Variants in MACROD2 observed in about 807,000 individuals in gnomAD.
MACROD2 encodes ADP-ribose glycohydrolase MACROD2.
A neutral mutation model predicts 70.4 loss-of-function variants in MACROD2; 36 were observed. That is an observed-to-expected ratio of 0.51 (90% confidence interval 0.39 to 0.68). The LOEUF (loss-of-function observed/expected upper bound fraction) is 0.68. Among genes scored for constraint, MACROD2 ranks in the 30% least tolerant of loss-of-function variants. The probability of loss-of-function intolerance (pLI) is 0.00; values close to 1 mark genes in which losing one functional copy is unlikely to be tolerated. For synonymous variants in MACROD2, 172 were observed against 178.8 expected (o/e 0.96, Z 0.30); for missense variants, 496 against 538.4 (o/e 0.92, Z 0.78).
At chr20:15,267,999 T>G (rs1171956961) in intron 6 of MACROD2, among the ~76,000 whole-genome samples, 2 of 152,234 alleles carry the variant, frequency 1.3e-5, no homozygotes, top group East Asian at 3.8e-4. Context: ...CCTGGTCATG[T>G]GACAAGAACC....
chr20:14,758,079 T>A, intron 5 of MACROD2: 1 of 531,328 alleles, frequency 1.9e-6, no homozygotes, highest in Non-Finnish European at 3.4e-6. Flanking sequence ...TTATTTTGCA[T>A]TGTATAAACA....
chr20:16,035,190 T>G (rs1223998796), intron 15 of MACROD2, among the ~76,000 whole-genome samples: 2 of 128,120 alleles, frequency 1.6e-5, no homozygotes, highest in African/African-American at 3.3e-5. Flanking sequence ...ATATTATATA[T>G]AAAATATAAT....
chr20:15,357,395 A>G (rs2078299931), intron 6 of MACROD2, among the ~76,000 whole-genome samples: 2 of 152,314 alleles, frequency 1.3e-5, no homozygotes, highest in African/African-American at 2.4e-5. Context: ...TTTAATAGAA[A>G]TTTCATTTAA....
intron 15 of MACROD2, among the ~76,000 whole-genome samples, chr20:15,990,337 C>T (rs1355395530): frequency 1.3e-5 from 2 of 152,174 alleles, no homozygotes; most frequent in Non-Finnish European, 2.9e-5. Context: ...AGCATTAAAA[C>T]ATCTTTCTTA....
chr20:14,418,739 A>G (rs2083838886), intron 3 of MACROD2, among the ~76,000 whole-genome samples: 3 of 152,222 alleles, frequency 2.0e-5, no homozygotes, highest in Admixed American at 6.5e-5. Context: ...TCACTGAGAG[A>G]ACAACTGAAA....
chr20:14,037,046 G>C (rs2053321138), intron 2 of MACROD2, among the ~76,000 whole-genome samples: 2 of 152,170 alleles, frequency 1.3e-5, no homozygotes, highest in Non-Finnish European at 2.9e-5. Context: ...CTTAGGTGGA[G>C]CTTGAAATAA....
intron 4 of MACROD2, among the ~76,000 whole-genome samples, chr20:14,508,723 C>A (rs2123141739): frequency 6.6e-6 from 1 of 152,148 alleles, no homozygotes; most frequent in South Asian, 2.1e-4. Context: ...TTCACTAAGG[C>A]CTTAATTTTT....
At chr20:14,396,635 T>C (rs976403960) in intron 3 of MACROD2, among the ~76,000 whole-genome samples, 2 of 152,102 alleles carry the variant, frequency 1.3e-5, no homozygotes, top group African/African-American at 4.8e-5. Context: ...ATTTTTAAAA[T>C]CCAATCTGGG....
intron 3 of MACROD2, among the ~76,000 whole-genome samples, chr20:14,225,213 A>T (rs1281997132): frequency 6.6e-6 from 1 of 152,236 alleles, no homozygotes; most frequent in Non-Finnish European, 1.5e-5. Flanking sequence ...ATATCAAATG[A>T]CTTCATTGGT....
At chr20:16,045,887 T>C (rs1445631024) in intron 17 of MACROD2, among the ~76,000 whole-genome samples, 1 of 152,136 alleles carries the variant, frequency 6.6e-6, no homozygotes, top group Non-Finnish European at 1.5e-5. Context: ...CTGAGTGGTC[T>C]ATAATCCTCT....
At chr20:15,020,470 T>A (rs972953176) in intron 5 of MACROD2, among the ~76,000 whole-genome samples, 1 of 152,148 alleles carries the variant, frequency 6.6e-6, no homozygotes, top group Admixed American at 6.5e-5. Flanking sequence ...CAAAAGAAGA[T>A]TCACCATATT....
intron 4 of MACROD2, among the ~76,000 whole-genome samples, chr20:14,495,765 A>G (rs1048516823): frequency 1.9e-4 from 29 of 152,160 alleles, no homozygotes; most frequent in African/African-American, 6.8e-4. Flanking sequence ...AGGCCAACTC[A>G]GTTTTCTATT....
intron 3 of MACROD2, among the ~76,000 whole-genome samples, chr20:14,270,300 A>G (rs1037886422): frequency 3.3e-5 from 5 of 152,138 alleles, no homozygotes; most frequent in Admixed American, 1.3e-4. Flanking sequence ...TTATTAGACT[A>G]TGTCCTCTCA....
At chr20:14,656,237 C>A (rs1265922687) in intron 4 of MACROD2, among the ~76,000 whole-genome samples, 1 of 152,270 alleles carries the variant, frequency 6.6e-6, no homozygotes, top group Admixed American at 6.5e-5. Flanking sequence ...CAAGAGATTT[C>A]GGAGGTCTGC....
At chr20:14,744,412 C>T (rs574766580) in intron 5 of MACROD2, among the ~76,000 whole-genome samples, 1 of 152,126 alleles carries the variant, frequency 6.6e-6, no homozygotes, top group East Asian at 1.9e-4. Context: ...ATGACTAAAT[C>T]TAGCTAATTA....
intron 4 of MACROD2, among the ~76,000 whole-genome samples, chr20:14,569,758 C>A (rs1980060674): frequency 6.6e-6 from 1 of 151,748 alleles, no homozygotes; most frequent in Non-Finnish European, 1.5e-5. Context: ...TACTTTGGGT[C>A]CCGGGACTAG....
At chr20:15,704,610 A>G (rs538591440) in intron 8 of MACROD2, among the ~76,000 whole-genome samples, 1 of 152,204 alleles carries the variant, frequency 6.6e-6, no homozygotes, top group African/African-American at 2.4e-5. Context: ...CTGTGGGTAT[A>G]AGGTGGGGTT....
At chr20:15,379,146 G>A (rs180885684) in intron 6 of MACROD2, among the ~76,000 whole-genome samples, 19 of 152,238 alleles carry the variant, frequency 1.2e-4, no homozygotes, top group Non-Finnish European at 2.2e-4. Context: ...GTTATATCAA[G>A]AGGTATGACT....
chr20:15,305,655 TTGTGTG>T (rs143803631), intron 6 of MACROD2, among the ~76,000 whole-genome samples: 1 of 150,578 alleles, frequency 6.6e-6, no homozygotes, highest in Admixed American at 6.6e-5. Flanking sequence ...GTTGATAAAA[TTGTGTG>T]TGTGTGTGTG....
Sources: allele counts gnomAD v4.1 joint callset (sites outside exome capture counted in the v4.1 genomes callset), GRCh38; gene constraint gnomAD v4.1.1; transcripts MANE v1.5; gene names NCBI Gene and HGNC (gene_info 2026-07-23, HGNC 2026-07-21).